The following ABHD18 variants were observed in gnomAD, a reference collection of about 807,000 sequenced individuals.
The protein encoded by ABHD18 is abhydrolase domain containing 18.
ABHD18 carries 55 observed loss-of-function variants against 65.9 expected under a neutral mutation model. The observed-to-expected ratio is 0.84, with a 90% confidence interval of 0.67 to 1.05. ABHD18 has a LOEUF of 1.05. Among genes scored for constraint, ABHD18 ranks in the 50% least tolerant of loss-of-function variants. The pLI, the probability that ABHD18 is intolerant of heterozygous loss-of-function variation, is 0.00. For synonymous variants in ABHD18, 181 were observed against 180.2 expected (o/e 1.00, Z -0.04); for missense variants, 533 against 558.5 (o/e 0.95, Z 0.46).
chr4:128,015,494 T>G (rs561785990), intron 7 of ABHD18, among the ~76,000 whole-genome samples: 2 of 152,290 alleles, frequency 1.3e-5, no homozygotes, highest in East Asian at 3.9e-4. Flanking sequence ...GGGGAAATTG[T>G]GTAATCATAA....
intron 4 of ABHD18, among the ~76,000 whole-genome samples, chr4:128,008,550 C>T (rs986762164): frequency 6.6e-6 from 1 of 152,028 alleles, no homozygotes; most frequent in African/African-American, 2.4e-5. Flanking sequence ...GCTGGGATTG[C>T]AGGCGTGAGC....
chr4:127,982,867 T>C, intron 1 of ABHD18, 72 bp from the exon 2 acceptor site: 1 of 724,784 alleles, frequency 1.4e-6, no homozygotes, highest in South Asian at 2.2e-5. Context: ...GTCAAAGAAA[T>C]GGTTAGAAAA....
chr4:127,993,277 G>C (rs1417855698), intron 4 of ABHD18, among the ~76,000 whole-genome samples: 7 of 152,140 alleles, frequency 4.6e-5, no homozygotes, highest in Non-Finnish European at 1.0e-4. Context: ...GGAAAATTAT[G>C]TGCTTTTACT....
intron 12 of ABHD18, among the ~76,000 whole-genome samples, chr4:128,033,959 C>CTTTTTTTT (rs996416880): frequency 4.3e-4 from 53 of 123,426 alleles, no homozygotes; most frequent in Non-Finnish European, 5.6e-4. Flanking sequence ...TTTCTTTTTT[C>CTTTTTTTT]TTTTTTTTTT....
intron 4 of ABHD18, among the ~76,000 whole-genome samples, chr4:128,002,252 G>A (rs921772293): frequency 3.3e-5 from 5 of 151,932 alleles, no homozygotes; most frequent in African/African-American, 9.7e-5. Context: ...TCCAGCCTGG[G>A]CAACAGAGCA....
intron 1 of ABHD18, among the ~76,000 whole-genome samples, chr4:127,979,666 A>G (rs375877815): frequency 6.6e-6 from 1 of 152,198 alleles, no homozygotes; most frequent in Non-Finnish European, 1.5e-5. Context: ...CTATAATCCC[A>G]GCACTTTGGG....
At chr4:127,983,431 G>A (rs1749395509) in intron 2 of ABHD18, among the ~76,000 whole-genome samples, 2 of 152,126 alleles carry the variant, frequency 1.3e-5, no homozygotes, top group African/African-American at 4.8e-5. Context: ...AGGAAAATCT[G>A]GACTTAAGAA....
At chr4:127,977,019 C>T (rs1032783694) in intron 1 of ABHD18, among the ~76,000 whole-genome samples, 7 of 151,140 alleles carry the variant, frequency 4.6e-5, no homozygotes, top group Non-Finnish European at 1.0e-4. Context: ...CCAGCCTGGG[C>T]GACAGAGCGA....
chr4:127,965,580 C>A lies in ABHD18; in HGVS notation c.-44C>A. ...GCGGTGCTGGGAGGCCCGGCCAGCT[C>A]GATCGCAGGCTTCCACCTGGCGGCC... On this transcript the variant is annotated 5_prime_UTR_variant, in exon 1 of 13. Coordinates refer to ENST00000645843, the MANE Select transcript of ABHD18 (RefSeq NM_001358451.3). 2 of 225,936 alleles carry A rather than the reference C, an allele frequency of 8.9e-6. No homozygotes were observed. The highest frequency in any genetic ancestry group is 5.5e-5 in the South Asian group (1 of 18,262). The allele number at this position is 225,936 out of a possible 1,614,324, so 14.0% of individuals were successfully genotyped here.
At chr4:128,020,040 A>G in intron 8 of ABHD18, 40 bp from the exon 9 acceptor site, 1 of 1,329,538 alleles carries the variant, frequency 7.5e-7, no homozygotes, top group Admixed American at 2.0e-5. Flanking sequence ...TTTAATGAAT[A>G]GAAACTCTAA....
intron 9 of ABHD18, 57 bp downstream of exon 9, chr4:128,020,226 G>T (rs953838678): frequency 1.5e-5 from 22 of 1,420,424 alleles, no homozygotes; most frequent in Non-Finnish European, 2.0e-5. Flanking sequence ...TAATTGTTTT[G>T]GGGGGGTCCC....
At chr4:127,970,570 CAA>C (rs1480655343) in intron 1 of ABHD18, among the ~76,000 whole-genome samples, 2 of 89,334 alleles carry the variant, frequency 2.2e-5, no homozygotes, top group African/African-American at 4.6e-5. Flanking sequence ...GCCTGGGCAA[CAA>C]GAGTGAAACT....
chr4:127,982,116 A>G (rs979861849), intron 1 of ABHD18, among the ~76,000 whole-genome samples: 3 of 152,356 alleles, frequency 2.0e-5, no homozygotes, highest in East Asian at 1.9e-4. Context: ...GAAGCAATGG[A>G]TAAGTATTTC....
Position 128,028,440 on chromosome 4 carries a change from A to T in ABHD18, c.802-35A>T. 2.1e-6 allele frequency: 3 copies of T among 1,400,708 alleles called. No individual in the cohort carries two copies. The South Asian group carries it at 5.3e-5, about 25-fold the overall frequency. The allele number at this position is 1,400,708 out of a possible 1,614,324, so 86.8% of individuals were successfully genotyped here. A position where few individuals can be genotyped will look rare whatever the true frequency, so the allele number is the denominator to read the frequency against. On this transcript the variant is annotated intron_variant, in intron 10 of 12. Coordinates refer to ENST00000645843, the MANE Select transcript of ABHD18 (RefSeq NM_001358451.3). ...CAAAGCTGTTAATACCCTATTTTAT[A>T]TTAAATAATGTTTTCTTTCCTTTCA... is the stretch of plus-strand genomic sequence containing the variant.
chr4:127,979,687 G>A lies in ABHD18; in HGVS notation c.-17-3252G>A, dbSNP rs186106087. 4.2e-3 allele frequency among the ~76,000 whole-genome samples: 634 copies of A among 152,160 alleles called. 5 individuals carry two copies. Among genetic ancestry groups the A allele is most frequent in the African/African-American group, 0.015 (606 of 41,528 alleles). The stretch of plus-strand genomic sequence containing the variant: ...TCCCAGCACTTTGGGAGGCCGAGGC[G>A]GGTGGATCATCTGAGGTCAGGAGTT... On this transcript the variant is annotated intron_variant, in intron 1 of 12. Transcript: ENST00000645843.
chr4:128,032,756 C>A (rs1278365061), intron 12 of ABHD18, among the ~76,000 whole-genome samples: 4 of 151,958 alleles, frequency 2.6e-5, no homozygotes, highest in Non-Finnish European at 5.9e-5. Context: ...ATAAATAAAG[C>A]CATTCCTTTA....
At chr4:128,004,809 G>T (rs1753314835) in intron 4 of ABHD18, among the ~76,000 whole-genome samples, 1 of 152,020 alleles carries the variant, frequency 6.6e-6, no homozygotes, top group Admixed American at 6.6e-5. Context: ...TACTCGAGAG[G>T]CTGAGGCAGG....
intron 4 of ABHD18, among the ~76,000 whole-genome samples, chr4:128,003,758 C>G (rs1245185653): frequency 2.6e-5 from 4 of 151,626 alleles, no homozygotes; most frequent in Admixed American, 2.6e-4. Flanking sequence ...TTATTTCAGG[C>G]TGGGCAGAGA....
chr4:127,999,632 G>A (rs1455339363), intron 4 of ABHD18, among the ~76,000 whole-genome samples: 1 of 152,126 alleles, frequency 6.6e-6, no homozygotes, highest in Non-Finnish European at 1.5e-5. Flanking sequence ...GTTTTTTAGT[G>A]AGGTTATTTG....
Sources: allele counts gnomAD v4.1 joint callset (sites outside exome capture counted in the v4.1 genomes callset), GRCh38; gene constraint gnomAD v4.1.1; transcripts MANE v1.5; gene names NCBI Gene and HGNC (gene_info 2026-07-23, HGNC 2026-07-21).